The following FRMPD2 variants were observed in gnomAD, a reference collection of about 807,000 sequenced individuals.
The protein encoded by FRMPD2 is FERM and PDZ domain containing 2.
A neutral mutation model predicts 140.1 loss-of-function variants in FRMPD2; 96 were observed. That is an observed-to-expected ratio of 0.69 (90% CI 0.58 to 0.81). The LOEUF (loss-of-function observed/expected upper bound fraction) is 0.81, where lower values mean the gene tolerates loss of function less well. Ranked by LOEUF, FRMPD2 falls within the 40% of genes least tolerant of loss-of-function variation. FRMPD2 has a pLI of 0.00. For missense variants in FRMPD2, 1,240 were observed against 1,447.4 expected (o/e 0.86, Z 2.32); for synonymous variants, 449 against 547.6 (o/e 0.82, Z 2.52).
chr10:48,174,680 G>C (rs1488455635), intron 24 of FRMPD2, among the ~76,000 whole-genome samples, 190 bp downstream of exon 24: 4 of 151,220 alleles, frequency 2.6e-5, no homozygotes, highest in Admixed American at 1.3e-4. Flanking sequence ...ACATCTATCT[G>C]CTATCTCCTG....
intron 15 of FRMPD2, among the ~76,000 whole-genome samples, chr10:48,197,630 T>C (rs1838983336): frequency 6.6e-6 from 1 of 152,190 alleles, no homozygotes; most frequent in Non-Finnish European, 1.5e-5. Context: ...ATGACATGCA[T>C]GCTGCAGCTC....
intron 12 of FRMPD2, among the ~76,000 whole-genome samples, chr10:48,214,665 T>G (rs1367206352): frequency 6.6e-6 from 1 of 152,224 alleles, no homozygotes; most frequent in African/African-American, 2.4e-5. Context: ...CTGGTAGGAA[T>G]ATATCCAAGA....
Position 48,192,664 on chromosome 10 carries a change from A to G in FRMPD2, c.2165+20T>C. On this transcript the variant is annotated intron_variant, in intron 16 of 28. Coordinates refer to ENST00000374201, the MANE Select transcript of FRMPD2 (RefSeq NM_001018071.4). ...AGCACATGGTGGTTTGGGCCCAGAGAACAAATGTGTCACACCCACCTGCGC... is the reference window on the plus strand; with the variant it reads ...AGCACATGGTGGTTTGGGCCCAGAGGACAAATGTGTCACACCCACCTGCGC... 1 of 1,607,032 alleles carries G rather than the reference A, an allele frequency of 6.2e-7. No individual in the cohort carries two copies. Among genetic ancestry groups the G allele is most frequent in the Non-Finnish European group, 8.5e-7 (1 of 1,174,156 alleles).
intron 12 of FRMPD2, among the ~76,000 whole-genome samples, chr10:48,215,445 T>C (rs1200797381): frequency 6.6e-6 from 1 of 152,222 alleles, no homozygotes; most frequent in Non-Finnish European, 1.5e-5. Context: ...CTAGCTTACC[T>C]AACCTCACAG....
chr10:48,162,256 A>G (rs2132387686), intron 28 of FRMPD2, among the ~76,000 whole-genome samples: 1 of 127,970 alleles, frequency 7.8e-6, no homozygotes, highest in Non-Finnish European at 1.6e-5. Flanking sequence ...CTACTTTGCA[A>G]ACCAGTTAGC....
At chr10:48,265,456 T>C (rs1407289175) in intron 1 of FRMPD2, among the ~76,000 whole-genome samples, 3 of 152,028 alleles carry the variant, frequency 2.0e-5, no homozygotes, top group Non-Finnish European at 4.4e-5. Context: ...AAAATATTTG[T>C]AAAATATGCA....
At chr10:48,236,608 T>C (rs1285851690) in intron 8 of FRMPD2, 55 bp from the exon 9 acceptor site, 1 of 1,538,050 alleles carries the variant, frequency 6.5e-7, no homozygotes, top group Non-Finnish European at 9.0e-7. Context: ...AGGCTTTGGG[T>C]CTGGGCTTCC....
At position 48,178,110 on chromosome 10, in the gene FRMPD2, A is replaced by G; in HGVS notation, c.2832T>C (p.Ser944=). The G allele has an allele frequency of 6.3e-7, 1 of 1,595,472 alleles. No individual in the cohort carries two copies. Among genetic ancestry groups the G allele is most frequent in the Non-Finnish European group, 8.6e-7 (1 of 1,165,238 alleles). ...SSCPPSPPEI[S]AGEIYFVELV... ...GTTCCACAAAGTAGATTTCACCAGC[A>G]CTGATTTCTGGAGGTGATGGAGGAC... is the stretch of plus-strand genomic sequence containing the variant. Residue 944 remains serine (S), a synonymous_variant, in exon 22 of 29, where the codon AGT becomes AGC. Transcript: ENST00000374201.
intron 15 of FRMPD2, chr10:48,199,945 G>T (rs1365702451): frequency 6.6e-6 from 1 of 152,076 alleles, no homozygotes; most frequent in Non-Finnish European, 1.5e-5. Flanking sequence ...CCTTTCTGGA[G>T]TAATTATTCT....
chr10:48,267,010 T>TG (rs60580132), intron 1 of FRMPD2, among the ~76,000 whole-genome samples: 6,612 of 152,168 alleles, frequency 0.043, 474 homozygotes, highest in African/African-American at 0.15. Flanking sequence ...AGAGACTGAG[T>TG]GGGGGGTCTA....
At chr10:48,253,493 A>T (rs1199163878) in intron 1 of FRMPD2, among the ~76,000 whole-genome samples, 1 of 152,206 alleles carries the variant, frequency 6.6e-6, no homozygotes, top group Non-Finnish European at 1.5e-5. Context: ...ACCAGCCTCA[A>T]ACACTTAATG....
At chr10:48,253,087 A>C (rs1452241421) in intron 1 of FRMPD2, among the ~76,000 whole-genome samples, 2 of 152,182 alleles carry the variant, frequency 1.3e-5, no homozygotes, top group Non-Finnish European at 2.9e-5. Context: ...TAAATCCCAA[A>C]ATAAAATATT....
chr10:48,159,560 C>T (rs1321845949), intron 28 of FRMPD2, among the ~76,000 whole-genome samples: 56 of 152,038 alleles, frequency 3.7e-4, no homozygotes, highest in African/African-American at 1.4e-3. Context: ...CCTGGCCTGG[C>T]CCCTGCAGTT....
intron 15 of FRMPD2, chr10:48,199,980 C>G (rs1289977025): frequency 2.0e-5 from 3 of 152,098 alleles, no homozygotes; most frequent in Admixed American, 6.6e-5. Context: ...TCCACTGAAG[C>G]AGCCGAGACC....
intron 21 of FRMPD2, 83 bp downstream of exon 21, chr10:48,180,720 G>A (rs1588809272): frequency 4.2e-6 from 3 of 710,328 alleles, no homozygotes; most frequent in East Asian, 2.6e-5. Flanking sequence ...CAGAGAACAG[G>A]AAGGGCCTAG....
intron 28 of FRMPD2, among the ~76,000 whole-genome samples, chr10:48,158,159 G>A (rs1588794080): frequency 1.3e-5 from 2 of 151,492 alleles, no homozygotes; most frequent in East Asian, 3.9e-4. Flanking sequence ...AGCCTGAGAG[G>A]CAAGAGGCAA....
intron 1 of FRMPD2, among the ~76,000 whole-genome samples, chr10:48,255,949 G>A (rs958987292): frequency 2.0e-5 from 3 of 152,210 alleles, no homozygotes; most frequent in Admixed American, 6.5e-5. Context: ...CCATCTGCCC[G>A]CAGACCTCTT....
At chr10:48,184,522 A>G in intron 20 of FRMPD2, 44 bp downstream of exon 20, 2 of 1,214,066 alleles carry the variant, frequency 1.6e-6, no homozygotes, top group Non-Finnish European at 2.4e-6. Context: ...TACTCCTGAA[A>G]ACAGGGGAGC....
At chr10:48,244,654 T>G in intron 4 of FRMPD2, 130 bp downstream of exon 4, 1 of 686,258 alleles carries the variant, frequency 1.5e-6, no homozygotes, top group Non-Finnish European at 2.6e-6. Context: ...TCTCAACGCC[T>G]GCCTAGGACC....
Sources: gnomAD v4.1 joint callset for allele counts (sites outside exome capture counted in the v4.1 genomes callset) on GRCh38, gnomAD v4.1.1 for gene constraint, MANE v1.5 for transcripts, NCBI Gene and HGNC (gene_info 2026-07-23, HGNC 2026-07-21) for gene names.